Variants in HAND1 observed in about 807,000 individuals in gnomAD.
HAND1 encodes heart- and neural crest derivatives-expressed protein 1.
In HAND1, 10 loss-of-function variants were observed where a neutral mutation model predicts 14.5. That is an observed-to-expected ratio of 0.69 (90% CI 0.42 to 1.17). HAND1 has a LOEUF of 1.17. HAND1 is among the 50% of genes most tolerant of loss of function. The probability of loss-of-function intolerance (pLI) is 0.00; values close to 1 mark genes in which losing one functional copy is unlikely to be tolerated. For synonymous variants in HAND1, 128 were observed against 127.1 expected (o/e 1.01, Z -0.05); for missense variants, 299 against 298.4 (o/e 1.00, Z -0.01).
intron 1 of HAND1, among the ~76,000 whole-genome samples, chr5:154,476,651 G>C (rs939656782): frequency 2.0e-5 from 3 of 152,100 alleles, no homozygotes; most frequent in Admixed American, 1.3e-4. Context: ...AACCAGGTGG[G>C]GCGCTTCAGC....
chr5:154,475,943 G>A lies in HAND1; in HGVS notation c.544-33C>T. 3.2e-6 allele frequency: 5 copies of A among 1,556,366 alleles called. No individual in the cohort carries two copies. The South Asian group carries it at 5.6e-5, about 17-fold the overall frequency. On this transcript the variant is annotated intron_variant, in intron 1 of 1. Transcript: ENST00000231121. Reference sequence around the variant, plus strand: ...AGGACACACAGAAGAAAAGAGGCGGGAGAGACAGGTTTTAATTTTTCTGCT... The same window carrying A: ...AGGACACACAGAAGAAAAGAGGCGGAAGAGACAGGTTTTAATTTTTCTGCT...
At position 154,475,756 on chromosome 5, in the gene HAND1, G is replaced by A; in HGVS notation, c.*50C>T. On this transcript the variant is annotated 3_prime_UTR_variant, in exon 2 of 2. Coordinates refer to ENST00000231121, the MANE Select transcript of HAND1 (RefSeq NM_004821.3). ...TTCGCCGCTGCCTTCCTCTCCTCCC[G>A]GGGCTTCAGGAGTGGCTGGCCTGGC... 1 of 1,312,514 alleles carries A rather than the reference G, an allele frequency of 7.6e-7. No individual in the cohort carries two copies. The highest frequency in any genetic ancestry group is 1.2e-5 in the South Asian group (1 of 84,872). The allele number at this position is 1,312,514 out of a possible 1,614,324, so 81.3% of individuals were successfully genotyped here.
Position 154,475,801 on chromosome 5 carries a change from T to A in HAND1, c.*5A>T. The A allele has an allele frequency of 6.2e-7, 1 of 1,607,046 alleles. No individual in the cohort carries two copies. The highest frequency in any genetic ancestry group is 2.2e-5 in the East Asian group (1 of 44,846). On this transcript the variant is annotated 3_prime_UTR_variant, in exon 2 of 2. Transcript: ENST00000231121. ...CCTGGCCAGGTCCTCGGCGCGGGCCTCGGCTCACTGGTTTAACTCCAGCGC... is the reference window on the plus strand; with the variant it reads ...CCTGGCCAGGTCCTCGGCGCGGGCCACGGCTCACTGGTTTAACTCCAGCGC...
chr5:154,475,988 T>C (rs1582055827), intron 1 of HAND1, 78 bp from the exon 2 acceptor site: 4 of 1,069,220 alleles, frequency 3.7e-6, no homozygotes, highest in African/African-American at 3.1e-5. Flanking sequence ...CGGCATGGGG[T>C]AAGATGAGGA....
rs746385291 is a variant in HAND1 at position 154,477,873 on chromosome 5, G to T, written c.136C>A (p.Leu46Met). The T allele has an allele frequency of 1.9e-6, 3 of 1,601,438 alleles. No homozygotes were observed. Among genetic ancestry groups the T allele is most frequent in the South Asian group, 2.2e-5 (2 of 91,086 alleles). Residue 46 changes from leucine to methionine, a missense_variant, in exon 1 of 2, where the codon CTG becomes ATG. By Grantham distance (15) the Leu-to-Met change is conservative. Coordinates refer to ENST00000231121, the MANE Select transcript of HAND1 (RefSeq NM_004821.3). ...HQERPYFQSWLLSPADAAPDF... is the reference protein window; with the variant it reads ...HQERPYFQSWMLSPADAAPDF... ...GGGGCAGCGTCAGCCGGGCTCAGCAGCCAGCTCTGGAAGTAGGGCCTTTCC... is the reference window on the plus strand; with the variant it reads ...GGGGCAGCGTCAGCCGGGCTCAGCATCCAGCTCTGGAAGTAGGGCCTTTCC...
chr5:154,477,749 G>A lies in HAND1; in HGVS notation c.260C>T (p.Ala87Val), dbSNP rs1757569593. The A allele has an allele frequency of 6.2e-7, 1 of 1,611,318 alleles. No individual in the cohort carries two copies. The highest frequency in any genetic ancestry group is 8.5e-7 in the Non-Finnish European group (1 of 1,179,488). ...CCGCCGGCCAAGACGGCCGCCAAGCGCCTCCAGCCGCCCGGGGCTCTGCCC... is the reference window on the plus strand; with the variant it reads ...CCGCCGGCCAAGACGGCCGCCAAGCACCTCCAGCCGCCCGGGGCTCTGCCC... ...RPGQSPGRLE[A>V]LGGRLGRRKG... Residue 87 changes from alanine to valine, a missense_variant, in exon 1 of 2, where the codon GCG (alanine) becomes GTG (valine). By Grantham distance (64) the Ala-to-Val change is moderately conservative. Coordinates refer to ENST00000231121, the MANE Select transcript of HAND1 (RefSeq NM_004821.3).
rs1757521191 is a variant in HAND1, at chr5:154,475,158, T to A, written c.*648A>T. On this transcript the variant is annotated 3_prime_UTR_variant, in exon 2 of 2. Coordinates refer to ENST00000231121, the MANE Select transcript of HAND1 (RefSeq NM_004821.3). ...AAAAACTTTCCAACACAGGGAAAGC[T>A]TTTATTTAGATAGAAACAAAAAGGA... is the stretch of plus-strand genomic sequence containing the variant. 6.5e-6 allele frequency: 1 copy of A among 152,674 alleles called. No homozygotes were observed. Among genetic ancestry groups the A allele is most frequent in the African/African-American group, 2.4e-5 (1 of 41,324 alleles). 9.5% of individuals were successfully genotyped at this position (152,674 alleles called of 1,614,324 possible). A position where few individuals can be genotyped will look rare whatever the true frequency, so the allele number is the denominator to read the frequency against.
Position 154,475,746 on chromosome 5 carries a change from C to T in HAND1, c.*60G>A. The T allele has an allele frequency of 8.1e-7, 1 of 1,240,428 alleles. No individual in the cohort carries two copies. Among genetic ancestry groups the T allele is most frequent in the Non-Finnish European group, 1.2e-6 (1 of 842,048 alleles). 76.8% of individuals were successfully genotyped at this position (1,240,428 alleles called of 1,614,324 possible). ...GAGCCTGGCGTTCGCCGCTGCCTTC[C>T]TCTCCTCCCGGGGCTTCAGGAGTGG... On this transcript the variant is annotated 3_prime_UTR_variant, in exon 2 of 2. Coordinates refer to ENST00000231121, the MANE Select transcript of HAND1 (RefSeq NM_004821.3).
chr5:154,476,316 G>T lies in HAND1; in HGVS notation c.544-406C>A, dbSNP rs562391748. Among the ~76,000 whole-genome samples, 19 of 152,232 alleles carry T rather than the reference G, an allele frequency of 1.2e-4. No homozygotes were observed. The South Asian group carries it at 3.9e-3, about 32-fold the overall frequency. Reference sequence around the variant, plus strand: ...CCTCCCAACCTGGTTTAAACATCAGGGCTTGGATGCAGGCTTGGGGCCCCC... The same window carrying T: ...CCTCCCAACCTGGTTTAAACATCAGTGCTTGGATGCAGGCTTGGGGCCCCC... On this transcript the variant is annotated intron_variant, in intron 1 of 1. Transcript: ENST00000231121.
rs780969396 is a variant in HAND1, at chr5:154,477,848, G to A, written c.161C>T (p.Pro54Leu). The part of the protein sequence containing the change: ...SWLLSPADAA[P>L]DFPAGGPPPA... ...CGGCGGCCCGCCCGCAGGGAAGTCC[G>A]GGGCAGCGTCAGCCGGGCTCAGCAG... Residue 54 changes from proline (P) to leucine (L), a missense_variant, in exon 1 of 2, where the codon CCG (proline) becomes CTG (leucine). Physicochemically the swap from Pro to Leu is moderately conservative, Grantham distance 98. Coordinates refer to ENST00000231121, the MANE Select transcript of HAND1 (RefSeq NM_004821.3). 4 of 1,601,588 alleles carry A rather than the reference G, an allele frequency of 2.5e-6. No homozygotes were observed. Among genetic ancestry groups the A allele is most frequent in the East Asian group, 2.2e-5 (1 of 44,858 alleles).
chr5:154,477,925 G>A lies in HAND1; in HGVS notation c.84C>T (p.Leu28=). The change falls in exon 1 of 2, where the codon CTC becomes CTT. Residue 28 remains leucine, a synonymous_variant. Transcript: ENST00000231121. ...GATGACAGCGCGAGGCCGGACCGAA[G>A]AGGAAGGGTTCGTGGAGCATGGGGT... The part of the protein sequence containing the change: ...PAHPMLHEPF[L]FGPASRCHQE... 6.3e-7 allele frequency: 1 copy of A among 1,599,092 alleles called. No individual in the cohort carries two copies. Among genetic ancestry groups the A allele is most frequent in the Non-Finnish European group, 8.5e-7 (1 of 1,179,892 alleles).
In HAND1 at chr5:154,475,662, G is replaced by A; in HGVS notation, c.*144C>T. The A allele has an allele frequency of 1.5e-6, 1 of 678,266 alleles. No homozygotes were observed. The highest frequency in any genetic ancestry group is 1.8e-5 in the African/African-American group (1 of 55,784). The allele number at this position is 678,266 out of a possible 1,614,324, so 42.0% of individuals were successfully genotyped here. ...ATCCAAGTGTGTGGTTGCAGCCGACGACCTGCCGGCGCTCAGCAGAAGCTC... is the reference window on the plus strand; with the variant it reads ...ATCCAAGTGTGTGGTTGCAGCCGACAACCTGCCGGCGCTCAGCAGAAGCTC... On this transcript the variant is annotated 3_prime_UTR_variant, in exon 2 of 2. Coordinates refer to ENST00000231121, the MANE Select transcript of HAND1 (RefSeq NM_004821.3).
At chr5:154,477,418 T>C (rs1397530470) in intron 1 of HAND1, 48 bp downstream of exon 1, 2 of 1,459,678 alleles carry the variant, frequency 1.4e-6, no homozygotes, top group Non-Finnish European at 9.6e-7. Flanking sequence ...CTGAGGCTGC[T>C]CACCGCTCCT....
chr5:154,475,546 A>G lies in HAND1; in HGVS notation c.*260T>C, dbSNP rs928329159. On this transcript the variant is annotated 3_prime_UTR_variant, in exon 2 of 2. Transcript: ENST00000231121. The stretch of plus-strand genomic sequence containing the variant: ...CCCTCCTTCTTGCATGTTGCCGCCA[A>G]GGGCCGCCCTCGGTTGGGCTGGGGG... 4.0e-6 allele frequency: 2 copies of G among 503,030 alleles called. No homozygotes were observed. Among genetic ancestry groups the G allele is most frequent in the South Asian group, 4.3e-5 (2 of 46,968 alleles). The allele number at this position is 503,030 out of a possible 1,614,324, so 31.2% of individuals were successfully genotyped here. A position where few individuals can be genotyped will look rare whatever the true frequency, so the allele number is the denominator to read the frequency against.
Position 154,477,966 on chromosome 5 carries a change from G to A in HAND1, c.43C>T (p.His15Tyr), listed in dbSNP as rs1757576329. 6.3e-7 allele frequency: 1 copy of A among 1,598,194 alleles called. No individual in the cohort carries two copies. Among genetic ancestry groups the A allele is most frequent in the Non-Finnish European group, 8.5e-7 (1 of 1,179,842 alleles). Reference sequence around the variant, plus strand: ...AGCATGGGGTGCGCAGGGTGCGGGTGGTGATGGTGGTGATGGTGTGCGTAG... The same window carrying A: ...AGCATGGGGTGCGCAGGGTGCGGGTAGTGATGGTGGTGATGGTGTGCGTAG... ...GSYAHHHHHH[H>Y]PHPAHPMLHE... is the part of the protein sequence containing the mutation. The change falls in exon 1 of 2, where the codon CAC becomes TAC. Residue 15 changes from histidine (H) to tyrosine (Y), a missense_variant. By Grantham distance (83) the His-to-Tyr change is moderately conservative (BLOSUM62 2). Coordinates refer to ENST00000231121, the MANE Select transcript of HAND1 (RefSeq NM_004821.3).
chr5:154,477,705 T>C lies in HAND1; in HGVS notation c.304A>G (p.Lys102Glu), dbSNP rs763319157. Residue 102 changes from lysine to glutamate, a missense_variant, in exon 1 of 2, where the codon AAG (lysine) becomes GAG (glutamate). Physicochemically the swap from Lys to Glu is moderately conservative, Grantham distance 56 (BLOSUM62 1). Transcript: ENST00000231121. ...LGRRKGSGPK[K>E]ERRRTESINS... Reference sequence around the variant, plus strand: ...ATGCTCTCAGTGCGTCTCCGCTCCTTCTTGGGTCCTGAGCCTTTCCGCCGG... The same window carrying C: ...ATGCTCTCAGTGCGTCTCCGCTCCTCCTTGGGTCCTGAGCCTTTCCGCCGG... 12 of 1,614,122 alleles carry C rather than the reference T, an allele frequency of 7.4e-6. No homozygotes were observed. The highest frequency in any genetic ancestry group is 1.0e-5 in the Non-Finnish European group (12 of 1,180,032).
Position 154,477,988 on chromosome 5 carries a change from G to T in HAND1, c.21C>A (p.Tyr7Ter). Reference sequence around the variant, plus strand: ...GGTGGTGATGGTGGTGATGGTGTGCGTAGCTGCCCACGAGGTTCATGTTGG... The same window carrying T: ...GGTGGTGATGGTGGTGATGGTGTGCTTAGCTGCCCACGAGGTTCATGTTGG... Reference protein sequence around the residue: MNLVGSYAHHHHHHHPH... With the variant: MNLVGS Residue 7 changes from tyrosine to a stop codon, truncating the protein, a stop_gained, in exon 1 of 2, where the codon TAC becomes TAA. Coordinates refer to ENST00000231121, the MANE Select transcript of HAND1 (RefSeq NM_004821.3). LOFTEE classifies it high-confidence loss of function. The T allele has an allele frequency of 1.3e-6, 2 of 1,598,066 alleles. No homozygotes were observed. Among genetic ancestry groups the T allele is most frequent in the Non-Finnish European group, 1.7e-6 (2 of 1,179,864 alleles).
Position 154,477,792 on chromosome 5 carries a change from C to T in HAND1, c.217G>A (p.Gly73Ser), listed in dbSNP as rs756237060. 1 of 1,592,556 alleles carries T rather than the reference C, an allele frequency of 6.3e-7. No individual in the cohort carries two copies. The highest frequency in any genetic ancestry group is 1.1e-5 in the South Asian group (1 of 90,218). Residue 73 changes from glycine (G) to serine (S), a missense_variant, in exon 1 of 2, where the codon GGT becomes AGT. Physicochemically the swap from Gly to Ser is moderately conservative, Grantham distance 56. Coordinates refer to ENST00000231121, the MANE Select transcript of HAND1 (RefSeq NM_004821.3). The stretch of plus-strand genomic sequence containing the variant: ...CTCTGCCCAGGCCTGGCGTCAGGAC[C>T]ATAGGCGGTGGCGGCTGCAGCGGCC... ...PAAAAAATAY[G>S]PDARPGQSPG...
chr5:154,477,398 C>T, intron 1 of HAND1, 68 bp downstream of exon 1: 1 of 1,245,786 alleles, frequency 8.0e-7, no homozygotes. Flanking sequence ...CCTTCGACTA[C>T]CTGCATGGCC....
Sources: allele counts gnomAD v4.1 joint callset (sites outside exome capture counted in the v4.1 genomes callset), GRCh38; gene constraint gnomAD v4.1.1; transcripts MANE v1.5; gene names NCBI Gene and HGNC (gene_info 2026-07-23, HGNC 2026-07-21).